The following RBAK variants were observed in gnomAD, a reference collection of about 807,000 sequenced individuals.
RBAK encodes RB associated KRAB zinc finger.
In RBAK, 39 loss-of-function variants were observed where a neutral mutation model predicts 65.8. That is an observed-to-expected ratio of 0.59 (90% CI 0.46 to 0.77). The LOEUF is 0.77. Ranked by LOEUF, RBAK falls within the 30% of genes least tolerant of loss-of-function variation. RBAK has a pLI of 0.00. For missense variants in RBAK, 884 were observed against 855.1 expected, an observed-to-expected ratio of 1.03 and a Z score of -0.42; for synonymous variants, 343 against 289.7, an observed-to-expected ratio of 1.18 and a Z score of -1.87.
intron 2 of RBAK, among the ~76,000 whole-genome samples, chr7:5,052,521 CTG>C (rs1438258972): frequency 2.0e-5 from 3 of 152,064 alleles, no homozygotes; most frequent in Non-Finnish European, 4.4e-5. Flanking sequence ...AGCTATCACA[CTG>C]TTTTGTTATT....
rs773005828 is a variant in RBAK at position 5,057,796 on chromosome 7, T to G, written c.238+17T>G. On this transcript the variant is annotated intron_variant, in intron 4 of 4. Transcript: ENST00000396912. ...ATAGTCCAGGTAAGTTAGTAGCGTA[T>G]CAAAGGTTAAAAAATGCTCATCCCA... 1.5e-5 allele frequency: 24 copies of G among 1,613,730 alleles called. No individual in the cohort carries two copies. Among genetic ancestry groups the G allele is most frequent in the Non-Finnish European group, 2.0e-5 (24 of 1,179,712 alleles).
chr7:5,063,725 G>A lies in RBAK; in HGVS notation c.269G>A (p.Arg90Lys). ...TGGAGAGTTGATGACCTGATAGAGA[G>A]AATCCAAGAAAACGAAGACAAACAT... ...EAWRVDDLIE[R>K]IQENEDKHSR... Residue 90 changes from arginine (R) to lysine (K), a missense_variant, in exon 5 of 5, where the codon AGA becomes AAA. By Grantham distance (26) the Arg-to-Lys change is conservative (BLOSUM62 2). Transcript: ENST00000396912. The A allele has an allele frequency of 6.2e-7, 1 of 1,611,420 alleles. No individual in the cohort carries two copies. The highest frequency in any genetic ancestry group is 8.5e-7 in the Non-Finnish European group (1 of 1,179,142).
intron 4 of RBAK, among the ~76,000 whole-genome samples, chr7:5,060,463 A>C (rs921138357): frequency 1.3e-5 from 2 of 152,252 alleles, no homozygotes; most frequent in African/African-American, 4.8e-5. Context: ...ATTACTTTAA[A>C]ATTCAGCTTT....
At chr7:5,055,614 AT>A (rs1788211464) in intron 2 of RBAK, among the ~76,000 whole-genome samples, 1 of 152,180 alleles carries the variant, frequency 6.6e-6, no homozygotes, top group Admixed American at 6.5e-5. Flanking sequence ...GCTATTGTAT[AT>A]TATGTTTTTA....
chr7:5,045,863 GC>G lies in RBAK; in HGVS notation c.-575del. 1 of 334,890 alleles carries G rather than the reference GC, an allele frequency of 3.0e-6. No homozygotes were observed. 20.7% of individuals were successfully genotyped at this position (334,890 alleles called of 1,614,324 possible). A position where few individuals can be genotyped will look rare whatever the true frequency, so the allele number is the denominator to read the frequency against. ...CGCGCATGCGCGCCGCCGCTGCACTGCCCTCGCTTCCTGTGCGTCCTCAGGT... is the reference window on the plus strand; with the variant it reads ...CGCGCATGCGCGCCGCCGCTGCACTGCCTCGCTTCCTGTGCGTCCTCAGGT... On this transcript the variant is annotated 5_prime_UTR_variant, in exon 1 of 5. Coordinates refer to ENST00000396912, the MANE Select transcript of RBAK (RefSeq NM_021163.4).
Position 5,069,287 on chromosome 7 carries a change from T to C in RBAK, c.*3686T>C, listed in dbSNP as rs1271044145. 3 of 152,208 alleles carry C rather than the reference T, an allele frequency of 2.0e-5. No homozygotes were observed. The highest frequency in any genetic ancestry group is 7.2e-5 in the African/African-American group (3 of 41,440). The allele number at this position is 152,208 out of a possible 1,614,324, so 9.4% of individuals were successfully genotyped here. On this transcript the variant is annotated 3_prime_UTR_variant, in exon 5 of 5. Transcript: ENST00000396912. ...CATAATTCTGTGCAGGAAATACATATTTATAGTAATTTTGATGGCAACTAC... is the reference window on the plus strand; with the variant it reads ...CATAATTCTGTGCAGGAAATACATACTTATAGTAATTTTGATGGCAACTAC...
chr7:5,057,793 G>GT lies in RBAK; in HGVS notation c.238+15dup, dbSNP rs1562536866. ...AACATAGTCCAGGTAAGTTAGTAGC[G>GT]TATCAAAGGTTAAAAAATGCTCATC... On this transcript the variant is annotated intron_variant, in intron 4 of 4. Coordinates refer to ENST00000396912, the MANE Select transcript of RBAK (RefSeq NM_021163.4). 1 of 1,613,580 alleles carries GT rather than the reference G, an allele frequency of 6.2e-7. No individual in the cohort carries two copies. The highest frequency in any genetic ancestry group is 2.2e-5 in the East Asian group (1 of 44,856).
At chr7:5,049,715 TTGTTC>T (rs1788073769) in intron 2 of RBAK, among the ~76,000 whole-genome samples, 1 of 152,072 alleles carries the variant, frequency 6.6e-6, no homozygotes, top group Non-Finnish European at 1.5e-5. Flanking sequence ...TTGTTTTGTT[TTGTTC>T]TGTTTCTTTT....
Position 5,065,160 on chromosome 7 carries a change from A to T in RBAK, c.1704A>T (p.Gly568=), listed in dbSNP as rs755976667. 17 of 1,613,734 alleles carry T rather than the reference A, an allele frequency of 1.1e-5. No individual in the cohort carries two copies. Among genetic ancestry groups the T allele is most frequent in the Non-Finnish European group, 1.4e-5 (17 of 1,179,920 alleles). The change falls in exon 5 of 5, where the codon GGA becomes GGT. Residue 568 remains glycine, a synonymous_variant. Coordinates refer to ENST00000396912, the MANE Select transcript of RBAK (RefSeq NM_021163.4). The surrounding 1 kb of genome is among the most constrained non-coding windows in gnomAD (Gnocchi z 5.3). ...YRSHSEEKPY[G]CSECGKTFSH... ...GTCATTCAGAAGAGAAACCTTATGGATGTAGCGAATGTGGGAAAACCTTTT... is the reference window on the plus strand; with the variant it reads ...GTCATTCAGAAGAGAAACCTTATGGTTGTAGCGAATGTGGGAAAACCTTTT...
Position 5,064,236 on chromosome 7 carries a change from C to T in RBAK, c.780C>T (p.Pro260=). 3 of 1,614,054 alleles carry T rather than the reference C, an allele frequency of 1.9e-6. No individual in the cohort carries two copies. The highest frequency in any genetic ancestry group is 2.2e-5 in the East Asian group (1 of 44,874). The change falls in exon 5 of 5, where the codon CCC becomes CCT. Residue 260 remains proline, a synonymous_variant. Transcript: ENST00000396912. This position sits in a 1 kb window ranked among gnomAD's most constrained non-coding sequence, Gnocchi z 6.3. ...AGAGATCACAAATGGAAATGAAGCC[C>T]TTTGAATGCAGTGAATGTGGAAAAT... ...AYQRSQMEMK[P]FECSECGKSF...
At position 5,046,325 on chromosome 7, in the gene RBAK, G is replaced by T. The variant is rs1471479175; in HGVS notation, c.-116G>T. ...ACAGGAGGGGACCTCGCGAGCAGAC[G>T]CGCGCCAGCGACAGCAGCCCCGCCC... On this transcript the variant is annotated 5_prime_UTR_variant, in exon 1 of 5. Coordinates refer to ENST00000396912, the MANE Select transcript of RBAK (RefSeq NM_021163.4). 1.9e-6 allele frequency: 1 copy of T among 515,800 alleles called. No individual in the cohort carries two copies. The highest frequency in any genetic ancestry group is 1.9e-5 in the Admixed American group (1 of 51,434). The allele number at this position is 515,800 out of a possible 1,614,324, so 32.0% of individuals were successfully genotyped here. A position where few individuals can be genotyped will look rare whatever the true frequency, so the allele number is the denominator to read the frequency against.
Position 5,065,749 on chromosome 7 carries a change from A to G in RBAK, c.*148A>G, listed in dbSNP as rs1175369276. The stretch of plus-strand genomic sequence containing the variant: ...GTCATTTTAATCCAAATTTTCACAG[A>G]GAAGAATCCCGAAGAATGTAACAAG... On this transcript the variant is annotated 3_prime_UTR_variant, in exon 5 of 5. Coordinates refer to ENST00000396912, the MANE Select transcript of RBAK (RefSeq NM_021163.4). The surrounding 1 kb of genome is among the most constrained non-coding windows in gnomAD (Gnocchi z 5.3). 1 of 524,044 alleles carries G rather than the reference A, an allele frequency of 1.9e-6. No individual in the cohort carries two copies. Among genetic ancestry groups the G allele is most frequent in the Non-Finnish European group, 3.1e-6 (1 of 323,756 alleles). The allele number at this position is 524,044 out of a possible 1,614,324, so 32.5% of individuals were successfully genotyped here. A position where few individuals can be genotyped will look rare whatever the true frequency, so the allele number is the denominator to read the frequency against.
At position 5,064,663 on chromosome 7, in the gene RBAK, T is replaced by G. The variant is rs1364590403; in HGVS notation, c.1207T>G (p.Cys403Gly). The change falls in exon 5 of 5, where the codon TGT becomes GGT. Residue 403 changes from cysteine to glycine, a missense_variant. Physicochemically the swap from Cys to Gly is radical, Grantham distance 159. Coordinates refer to ENST00000396912, the MANE Select transcript of RBAK (RefSeq NM_021163.4). The surrounding 1 kb of genome is among the most constrained non-coding windows in gnomAD (Gnocchi z 6.3). ...TCACACGGGAGAGAAGCTTTATAAA[T>G]GTAATGAATGTGGGAAATCCTACTA... is the stretch of plus-strand genomic sequence containing the variant. ...RTHTGEKLYK[C>G]NECGKSYYRK... 6.2e-7 allele frequency: 1 copy of G among 1,611,924 alleles called. No homozygotes were observed. Among genetic ancestry groups the G allele is most frequent in the African/African-American group, 1.3e-5 (1 of 74,876 alleles).
intron 4 of RBAK, among the ~76,000 whole-genome samples, chr7:5,059,142 C>T (rs957427067): frequency 1.3e-5 from 2 of 152,192 alleles, no homozygotes; most frequent in South Asian, 2.1e-4. Context: ...CCTGGCAGAG[C>T]GTCAGCACAT....
At position 5,046,071 on chromosome 7, in the gene RBAK, G is replaced by A. The variant is rs1464167079; in HGVS notation, c.-370G>A. The stretch of plus-strand genomic sequence containing the variant: ...CCCGAGCTTGAGCCCCGGAGCCGGC[G>A]GCGCTGGGGCCAGAGGGGCCGGACG... On this transcript the variant is annotated 5_prime_UTR_variant, in exon 1 of 5. Transcript: ENST00000396912. 2 of 283,648 alleles carry A rather than the reference G, an allele frequency of 7.1e-6. No individual in the cohort carries two copies. The highest frequency in any genetic ancestry group is 3.2e-4 in the East Asian group (2 of 6,206). 17.6% of individuals were successfully genotyped at this position (283,648 alleles called of 1,614,324 possible). A position where few individuals can be genotyped will look rare whatever the true frequency, so the allele number is the denominator to read the frequency against.
intron 2 of RBAK, among the ~76,000 whole-genome samples, chr7:5,049,998 C>T (rs1277411161): frequency 3.3e-5 from 5 of 152,142 alleles, no homozygotes; most frequent in Non-Finnish European, 2.9e-5. Flanking sequence ...GGATTACAGG[C>T]GTGAGCCACT....
Position 5,046,105 on chromosome 7 carries a change from C to T in RBAK, c.-336C>T, listed in dbSNP as rs1276677192. 2.2e-5 allele frequency: 7 copies of T among 314,358 alleles called. No homozygotes were observed. Among genetic ancestry groups the T allele is most frequent in the South Asian group, 1.6e-4 (7 of 42,552 alleles). The allele number at this position is 314,358 out of a possible 1,614,324, so 19.5% of individuals were successfully genotyped here. On this transcript the variant is annotated 5_prime_UTR_variant, in exon 1 of 5. Coordinates refer to ENST00000396912, the MANE Select transcript of RBAK (RefSeq NM_021163.4). ...GCCAGAGGGGCCGGACGGGAGGTGG[C>T]GGAGGTGGCGGCGGAGGCGAAGGGG...
chr7:5,064,691 G>A lies in RBAK; in HGVS notation c.1235G>A (p.Arg412Gln), dbSNP rs373122199. The change falls in exon 5 of 5, where the codon CGA becomes CAA. Residue 412 changes from arginine to glutamine, a missense_variant. By Grantham distance (43) the Arg-to-Gln change is conservative. Coordinates refer to ENST00000396912, the MANE Select transcript of RBAK (RefSeq NM_021163.4). The surrounding 1 kb of genome is among the most constrained non-coding windows in gnomAD (Gnocchi z 6.3). ...KCNECGKSYY[R>Q]KSTLITHQRT... ...AATGAATGTGGGAAATCCTACTACCGAAAGTCTACTCTGATTACACATCAG... is the reference window on the plus strand; with the variant it reads ...AATGAATGTGGGAAATCCTACTACCAAAAGTCTACTCTGATTACACATCAG... 33 of 1,611,830 alleles carry A rather than the reference G, an allele frequency of 2.0e-5. No individual in the cohort carries two copies. The highest frequency in any genetic ancestry group is 3.3e-5 in the South Asian group (3 of 90,920).
At chr7:5,059,801 A>G (rs1288995170) in intron 4 of RBAK, among the ~76,000 whole-genome samples, 2 of 152,212 alleles carry the variant, frequency 1.3e-5, no homozygotes, top group Non-Finnish European at 2.9e-5. Context: ...TGTATGCTCT[A>G]TGAATATAAG....
Sources: gnomAD v4.1 joint callset for allele counts (sites outside exome capture counted in the v4.1 genomes callset) on GRCh38, gnomAD v4.1.1 for gene constraint, Gnocchi (gnomAD v3.1) non-coding constraint, MANE v1.5 for transcripts, NCBI Gene and HGNC (gene_info 2026-07-23, HGNC 2026-07-21) for gene names.